Variants in IFT20 observed in about 807,000 individuals in gnomAD.
IFT20 encodes intraflagellar transport 20.
A neutral mutation model predicts 16.9 loss-of-function variants in IFT20; 4 were observed. That is an observed-to-expected ratio of 0.24 (90% CI 0.12 to 0.54). IFT20 has a LOEUF of 0.54. IFT20 is among the 20% of genes least tolerant of loss of function. The pLI, the probability that IFT20 is intolerant of heterozygous loss-of-function variation, is 0.95. For synonymous variants in IFT20, 48 were observed against 49.9 expected, an observed-to-expected ratio of 0.96 and a Z score of 0.16; for missense variants, 154 against 149.7, an observed-to-expected ratio of 1.03 and a Z score of -0.15.
At chr17:28,332,078 C>G (rs2142371751) in intron 1 of IFT20, 91 bp from the exon 2 acceptor site, 2 of 1,609,618 alleles carry the variant, frequency 1.2e-6, no homozygotes, top group Non-Finnish European at 1.7e-6. Context: ...CCCTTGGACA[C>G]CAATGCCAAA....
rs566945526 is a variant in IFT20 at position 28,330,349 on chromosome 17, T to C, written c.213+94A>G. On this transcript the variant is annotated intron_variant, in intron 3 of 4. Coordinates refer to ENST00000395418, the MANE Select transcript of IFT20 (RefSeq NM_001267776.2). ...ATAAAAATTCACCCACCCAGCCCTC[T>C]ACCCCTCTAAATAAATCAAGAGGGA... 4 of 886,290 alleles carry C rather than the reference T, an allele frequency of 4.5e-6. No homozygotes were observed. The African/African-American group carries it at 6.6e-5, about 15-fold the overall frequency. 54.9% of individuals were successfully genotyped at this position (886,290 alleles called of 1,614,324 possible).
chr17:28,330,588 G>A, intron 2 of IFT20, 60 bp from the exon 3 acceptor site: 1 of 1,151,828 alleles, frequency 8.7e-7, no homozygotes, highest in Non-Finnish European at 1.3e-6. Context: ...CCCTTCGGTA[G>A]AGTGCTAAGG....
intron 3 of IFT20, chr17:28,329,504 G>A (rs1906588330): frequency 2.1e-6 from 1 of 484,622 alleles, no homozygotes. Flanking sequence ...CTAGAGCCAG[G>A]GACACAGGCA....
In IFT20 at chr17:28,331,686, C is replaced by T. The variant is rs548496168; in HGVS notation, c.127+173G>A. On this transcript the variant is annotated intron_variant, in intron 2 of 4. Transcript: ENST00000395418. The stretch of plus-strand genomic sequence containing the variant: ...GGTTTGACTGGTGCCCTGTTGGGGA[C>T]ACATGAGAGCACAAGAGGGCAGACA... 8.4e-5 allele frequency: 60 copies of T among 716,452 alleles called. No individual in the cohort carries two copies. The African/African-American group carries it at 9.9e-4, about 12-fold the overall frequency. 44.4% of individuals were successfully genotyped at this position (716,452 alleles called of 1,614,324 possible).
chr17:28,329,146 A>C, intron 4 of IFT20, 27 bp downstream of exon 4: 1 of 1,474,934 alleles, frequency 6.8e-7, no homozygotes, highest in Non-Finnish European at 9.5e-7. Flanking sequence ...CTGTGTAAAG[A>C]ACTTGCTTTA....
intron 3 of IFT20, chr17:28,329,480 G>A: frequency 3.7e-6 from 2 of 538,892 alleles, no homozygotes; most frequent in South Asian, 2.5e-5. Context: ...TTTGAGGCAG[G>A]TCTAGGAGTA....
intron 2 of IFT20, chr17:28,331,555 C>T: frequency 3.0e-6 from 1 of 333,774 alleles, no homozygotes; most frequent in East Asian, 5.8e-5. Context: ...ATTCTATTTC[C>T]CACACCCAAG....
rs138449395 is a variant in IFT20, at chr17:28,329,182, T to A, written c.308A>T (p.Gln103Leu). The change falls in exon 4 of 5, where the codon CAG (glutamine) becomes CTG (leucine). Residue 103 changes from glutamine (Q) to leucine (L), a missense_variant. Gln to Leu is a moderately radical substitution (Grantham distance 113). Transcript: ENST00000395418. ...LQALIAEKKMQLERYRVEYEA... is the reference protein window; with the variant it reads ...LQALIAEKKMLLERYRVEYEA... ...CATCATGACTTCTTACCTTTCTAGC[T>A]GCATTTTCTTTTCTGCTATTAGGGC... 1.1e-5 allele frequency: 17 copies of A among 1,612,512 alleles called. No individual in the cohort carries two copies. The African/African-American group carries it at 2.0e-4, about 19-fold the overall frequency.
At chr17:28,333,960 C>T (rs552707782) in intron 1 of IFT20, among the ~76,000 whole-genome samples, 1 of 152,242 alleles carries the variant, frequency 6.6e-6, no homozygotes, top group South Asian at 2.1e-4. Flanking sequence ...CTGTCTTTCG[C>T]AGCTACAGGT....
At position 28,329,271 on chromosome 17, in the gene IFT20, G is replaced by T. The variant is rs529495583; in HGVS notation, c.219C>A (p.Ile73=). The T allele has an allele frequency of 6.2e-7, 1 of 1,613,358 alleles. No individual in the cohort carries two copies. Among genetic ancestry groups the T allele is most frequent in the Admixed American group, 1.7e-5 (1 of 59,968 alleles). Residue 73 remains isoleucine (I), a synonymous_variant, in exon 4 of 5, where the codon ATC becomes ATA. Transcript: ENST00000395418. The part of the protein sequence containing the change: ...KEAENEKMKA[I]GARNLLKSIA... ...TAGATTTGAGCAAGTTCCGAGCACC[G>T]ATGGCCTACAGTATTGCCAGAGAAG...
At chr17:28,334,436 A>G (rs1161365946) in intron 1 of IFT20, among the ~76,000 whole-genome samples, 2 of 152,290 alleles carry the variant, frequency 1.3e-5, no homozygotes, top group African/African-American at 2.4e-5. Flanking sequence ...GAGGCTAGAC[A>G]GGGAGACAAC....
chr17:28,332,474 A>G (rs1016376836), intron 1 of IFT20: 12 of 370,630 alleles, frequency 3.2e-5, no homozygotes, highest in Non-Finnish European at 6.1e-5. Flanking sequence ...GGACAGAGCC[A>G]TTAATGAAGG....
In IFT20 at chr17:28,329,253, G is replaced by A. The variant is rs1303513186; in HGVS notation, c.237C>T (p.Leu79=). The change falls in exon 4 of 5, where the codon CTC becomes CTT. Residue 79 remains leucine (L), a synonymous_variant. Coordinates refer to ENST00000395418, the MANE Select transcript of IFT20 (RefSeq NM_001267776.2). ...KMKAIGARNL[L]KSIAKQREAQ... ...CTTCTCTCTGCTTTGCTATAGATTT[G>A]AGCAAGTTCCGAGCACCGATGGCCT... 1.9e-6 allele frequency: 3 copies of A among 1,613,810 alleles called. No homozygotes were observed. The highest frequency in any genetic ancestry group is 2.7e-5 in the African/African-American group (2 of 74,918).
At chr17:28,330,246 A>T (rs1597785476) in intron 3 of IFT20, 197 bp downstream of exon 3, 3 of 617,256 alleles carry the variant, frequency 4.9e-6, no homozygotes, top group South Asian at 1.9e-5. Flanking sequence ...AAAAAAAAAA[A>T]AAAAATAAAG....
intron 1 of IFT20, among the ~76,000 whole-genome samples, chr17:28,334,744 G>A (rs1907021689): frequency 2.0e-5 from 3 of 152,210 alleles, no homozygotes. Flanking sequence ...ACCAAGGCTG[G>A]CAGCCGAACA....
At position 28,328,488 on chromosome 17, in the gene IFT20, C is replaced by T. The variant is rs1555575868; in HGVS notation, c.*164G>A. On this transcript the variant is annotated 3_prime_UTR_variant, in exon 5 of 5. Transcript: ENST00000395418. Reference sequence around the variant, plus strand: ...AGCTGTGCACTGATGTTAAAACTGGCTCCCCCAGACTTGTAGTGCTGTCTT... The same window carrying T: ...AGCTGTGCACTGATGTTAAAACTGGTTCCCCCAGACTTGTAGTGCTGTCTT... 3.2e-6 allele frequency: 2 copies of T among 634,286 alleles called. No individual in the cohort carries two copies. Among genetic ancestry groups the T allele is most frequent in the Admixed American group, 3.0e-5 (1 of 33,604 alleles). The allele number at this position is 634,286 out of a possible 1,614,324, so 39.3% of individuals were successfully genotyped here.
chr17:28,334,218 T>TG (rs1347538459), intron 1 of IFT20, among the ~76,000 whole-genome samples: 5 of 152,090 alleles, frequency 3.3e-5, no homozygotes, highest in East Asian at 1.9e-4. Flanking sequence ...ACACAGTTCA[T>TG]GGGGGGCGGA....
At chr17:28,331,737 C>G in intron 2 of IFT20, 122 bp downstream of exon 2, 2 of 1,290,250 alleles carry the variant, frequency 1.6e-6, no homozygotes, top group Non-Finnish European at 2.2e-6. Flanking sequence ...TGGGAACTCA[C>G]AGACGCCAGA....
chr17:28,332,931 A>G (rs1384710180), intron 1 of IFT20, among the ~76,000 whole-genome samples: 2 of 152,116 alleles, frequency 1.3e-5, no homozygotes, highest in Non-Finnish European at 2.9e-5. Context: ...TGCCAAGCTA[A>G]GGAGTTTGGA....
Sources: allele counts gnomAD v4.1 joint callset (sites outside exome capture counted in the v4.1 genomes callset), GRCh38; gene constraint gnomAD v4.1.1; transcripts MANE v1.5; gene names NCBI Gene and HGNC (gene_info 2026-07-23, HGNC 2026-07-21).